Variants in ZMIZ1 observed in about 807,000 individuals in gnomAD.
ZMIZ1 encodes the protein zinc finger MIZ domain-containing protein 1.
In ZMIZ1, 17 loss-of-function variants were observed where a neutral mutation model predicts 113.9. The ratio of observed to expected loss-of-function variants is 0.15; its 90% CI spans 0.10 to 0.22. The LOEUF is 0.22. Among genes scored for constraint, ZMIZ1 ranks in the 10% least tolerant of loss-of-function variants. The probability of loss-of-function intolerance (pLI) is 1.00; values close to 1 mark genes in which losing one functional copy is unlikely to be tolerated. For missense variants in ZMIZ1, 1,059 were observed against 1,477.8 expected (o/e 0.72, Z 4.65); for synonymous variants, 607 against 603.1 (o/e 1.01, Z -0.09).
chr10:79,070,428 C>A (rs547673105), intron 1 of ZMIZ1, among the ~76,000 whole-genome samples: 4 of 148,016 alleles, frequency 2.7e-5, no homozygotes, highest in Admixed American at 2.7e-4. Context: ...CCGGAGCCGC[C>A]GGAGAAGGCC....
In ZMIZ1 at chr10:79,201,806, C is replaced by T. The variant is rs963603208; in HGVS notation, c.60+114C>T. On this transcript the variant is annotated intron_variant, in intron 5 of 24. Transcript: ENST00000334512. ...ATGGCAGGGCCTCCTGACCACCTAC[C>T]TATCGAGGCCGTTATTGGCATGCTG... The T allele has an allele frequency of 5.3e-6, 6 of 1,141,606 alleles. No individual in the cohort carries two copies. The African/African-American group carries it at 9.1e-5, about 17-fold the overall frequency. 70.7% of individuals were successfully genotyped at this position (1,141,606 alleles called of 1,614,324 possible).
chr10:79,178,495 G>C (rs1205874128), intron 4 of ZMIZ1, among the ~76,000 whole-genome samples: 1 of 152,146 alleles, frequency 6.6e-6, no homozygotes, highest in African/African-American at 2.4e-5. Context: ...GTTGGAGCTG[G>C]AGCCCAGCTG....
At chr10:79,129,769 G>A (rs546544146) in intron 2 of ZMIZ1, among the ~76,000 whole-genome samples, 1 of 152,370 alleles carries the variant, frequency 6.6e-6, no homozygotes, top group African/African-American at 2.4e-5. Flanking sequence ...GGCAGAGCGA[G>A]CCCCTGCCCC....
intron 1 of ZMIZ1, among the ~76,000 whole-genome samples, chr10:79,112,365 G>T (rs35678649): frequency 0.17 from 26,010 of 152,156 alleles, 2,409 homozygotes; most frequent in East Asian, 0.28. Context: ...AATTCAGGTG[G>T]GAGCATGGGT....
intron 1 of ZMIZ1, among the ~76,000 whole-genome samples, chr10:79,081,767 G>A (rs556615222): frequency 6.6e-6 from 1 of 152,256 alleles, no homozygotes; most frequent in Admixed American, 6.5e-5. Context: ...AGAACTTCTG[G>A]CCTCCTCCTG....
intron 23 of ZMIZ1, among the ~76,000 whole-genome samples, chr10:79,309,468 T>G (rs1296307038): frequency 1.3e-5 from 2 of 152,158 alleles, no homozygotes; most frequent in Non-Finnish European, 2.9e-5. Flanking sequence ...TCCTCCAGCC[T>G]CTTGTATGTG....
Position 79,307,554 on chromosome 10 carries a change from C to T in ZMIZ1, c.2818C>T (p.His940Tyr). 1 of 1,612,370 alleles carries T rather than the reference C, an allele frequency of 6.2e-7. No homozygotes were observed. Among genetic ancestry groups the T allele is most frequent in the African/African-American group, 1.3e-5 (1 of 74,808 alleles). The change falls in exon 23 of 25, where the codon CAC becomes TAC. Residue 940 changes from histidine to tyrosine, a missense_variant. Transcript: ENST00000334512. ...NMAALEKPLSHPMQETMPHAG... is the reference protein window; with the variant it reads ...NMAALEKPLSYPMQETMPHAG... ...GGCCGCCCTCGAGAAACCCCTCAGC[C>T]ACCCCATGCAGGAAACTGTGAGTAC...
At chr10:79,223,574 C>G (rs1366740378) in intron 7 of ZMIZ1, among the ~76,000 whole-genome samples, 1 of 152,224 alleles carries the variant, frequency 6.6e-6, no homozygotes, top group Admixed American at 6.5e-5. Context: ...GTTTAGTGGA[C>G]GAAACCTGTT....
At chr10:79,174,831 C>T (rs941006894) in intron 4 of ZMIZ1, among the ~76,000 whole-genome samples, 14 of 152,206 alleles carry the variant, frequency 9.2e-5, no homozygotes, top group Non-Finnish European at 1.0e-4. Context: ...AGTCCCACCC[C>T]CTTTGGATGG....
chr10:79,189,082 C>T (rs1847481996), intron 4 of ZMIZ1, among the ~76,000 whole-genome samples: 1 of 152,172 alleles, frequency 6.6e-6, no homozygotes, highest in African/African-American at 2.4e-5. Flanking sequence ...TTCATCTGGG[C>T]ATCGAGGCCA....
At chr10:79,240,898 A>C (rs1051851037) in intron 7 of ZMIZ1, among the ~76,000 whole-genome samples, 1 of 152,036 alleles carries the variant, frequency 6.6e-6, no homozygotes, top group Non-Finnish European at 1.5e-5. Context: ...GGCTCAACCT[A>C]CCAAAGTGGT....
At chr10:79,237,532 G>A (rs1467769116) in intron 7 of ZMIZ1, among the ~76,000 whole-genome samples, 2 of 152,146 alleles carry the variant, frequency 1.3e-5, no homozygotes, top group Admixed American at 6.5e-5. Flanking sequence ...CTTCTCCAAG[G>A]TTCTCTCCTC....
chr10:79,189,044 C>A (rs1374367135), intron 4 of ZMIZ1, among the ~76,000 whole-genome samples: 1 of 152,226 alleles, frequency 6.6e-6, no homozygotes, highest in African/African-American at 2.4e-5. Context: ...GATCTCCTGT[C>A]TTTATTAGAG....
rs538200287 is a variant in ZMIZ1 at position 79,134,563 on chromosome 10, C to G, written c.-226-5119C>G. Among the ~76,000 whole-genome samples, 3 of 152,354 alleles carry G rather than the reference C, an allele frequency of 2.0e-5. No individual in the cohort carries two copies. The South Asian group carries it at 6.2e-4, about 32-fold the overall frequency. On this transcript the variant is annotated intron_variant, in intron 2 of 24. Transcript: ENST00000334512. ...ACCTCCTTCTACTTCCCTGGGCAGC[C>G]CTGGGCTTTGCCCCACGGCACCCTG... is the stretch of plus-strand genomic sequence containing the variant.
intron 3 of ZMIZ1, among the ~76,000 whole-genome samples, chr10:79,146,538 C>G (rs1845491297): frequency 6.6e-6 from 1 of 152,240 alleles, no homozygotes; most frequent in African/African-American, 2.4e-5. Flanking sequence ...ATCACAGGGA[C>G]TTCTCTCTGA....
intron 2 of ZMIZ1, among the ~76,000 whole-genome samples, chr10:79,126,491 C>T (rs962341827): frequency 1.3e-5 from 2 of 152,180 alleles, no homozygotes; most frequent in Non-Finnish European, 2.9e-5. Context: ...AATGACCAGA[C>T]TGTGAACCAA....
chr10:79,092,555 G>C (rs776514034), intron 1 of ZMIZ1, among the ~76,000 whole-genome samples: 2 of 152,270 alleles, frequency 1.3e-5, no homozygotes, highest in Non-Finnish European at 2.9e-5. Context: ...CCCCATACCT[G>C]TTGTCACAGT....
intron 3 of ZMIZ1, among the ~76,000 whole-genome samples, chr10:79,140,907 C>A (rs1330067051): frequency 6.6e-6 from 1 of 151,888 alleles, no homozygotes; most frequent in Admixed American, 6.6e-5. Flanking sequence ...CTCAGCCTCC[C>A]GTGTAGCTGG....
chr10:79,169,841 T>C (rs899051686), intron 4 of ZMIZ1, among the ~76,000 whole-genome samples: 12 of 152,246 alleles, frequency 7.9e-5, no homozygotes, highest in African/African-American at 2.9e-4. Context: ...CAGTCCTCTC[T>C]GTTAGCAGCA....
Sources: allele counts gnomAD v4.1 joint callset (sites outside exome capture counted in the v4.1 genomes callset), GRCh38; gene constraint gnomAD v4.1.1; transcripts MANE v1.5; gene names NCBI Gene and HGNC (gene_info 2026-07-23, HGNC 2026-07-21).